Variants in ZBTB7C observed in about 807,000 individuals in gnomAD.
The protein encoded by ZBTB7C is zinc finger and BTB domain-containing protein 7C.
ZBTB7C carries 8 observed loss-of-function variants against 25.7 expected under a neutral mutation model. That is an observed-to-expected ratio of 0.31 (90% CI 0.18 to 0.56). The LOEUF is 0.56. Ranked by LOEUF, ZBTB7C falls within the 20% of genes least tolerant of loss-of-function variation. The pLI is 0.91. For synonymous variants in ZBTB7C, 394 were observed against 369.0 expected, an observed-to-expected ratio of 1.07 and a Z score of -0.78; for missense variants, 824 against 855.2, an observed-to-expected ratio of 0.96 and a Z score of 0.46.
rs375142874 is a variant in ZBTB7C, at chr18:48,243,033, G to T, written c.-78-57038C>A. On this transcript the variant is annotated intron_variant, in intron 2 of 4. Coordinates refer to ENST00000590800, the MANE Select transcript of ZBTB7C (RefSeq NM_001318841.2). ...AATCCTAACAATTTGGGAGGCCGAG[G>T]CAGGTGGATCGCTTGAGGACAGAGT... 5.3e-5 allele frequency among the ~76,000 whole-genome samples: 8 copies of T among 152,002 alleles called. No homozygotes were observed. The East Asian group carries it at 1.5e-3, about 29-fold the overall frequency.
chr18:48,275,059 G>T (rs1289558150), intron 2 of ZBTB7C, among the ~76,000 whole-genome samples: 1 of 152,164 alleles, frequency 6.6e-6, no homozygotes, highest in Non-Finnish European at 1.5e-5. Flanking sequence ...ATTATACGAA[G>T]TACTTATTAC....
At chr18:48,113,384 G>A (rs73956499) in intron 3 of ZBTB7C, among the ~76,000 whole-genome samples, 11,970 of 152,290 alleles carry the variant, frequency 0.079, 1,380 homozygotes, top group African/African-American at 0.26. Context: ...AAGACAAAAA[G>A]AGAGAAAAGG....
At chr18:48,195,635 A>G (rs917894826) in intron 2 of ZBTB7C, among the ~76,000 whole-genome samples, 1 of 152,182 alleles carries the variant, frequency 6.6e-6, no homozygotes, top group African/African-American at 2.4e-5. Context: ...CACTGCCTAC[A>G]ATTTCCAGTT....
At chr18:48,114,339 C>T (rs1007961218) in intron 3 of ZBTB7C, among the ~76,000 whole-genome samples, 6 of 152,156 alleles carry the variant, frequency 3.9e-5, no homozygotes, top group East Asian at 1.9e-4. Context: ...CAGTGGCTCA[C>T]GCCTGTAATC....
chr18:48,264,307 A>G (rs546839216), intron 2 of ZBTB7C, among the ~76,000 whole-genome samples: 2 of 152,366 alleles, frequency 1.3e-5, no homozygotes, highest in South Asian at 4.1e-4. Context: ...CCACAGAATG[A>G]AATCACCTTT....
At chr18:48,219,333 G>A (rs1481683551) in intron 2 of ZBTB7C, among the ~76,000 whole-genome samples, 2 of 152,152 alleles carry the variant, frequency 1.3e-5, no homozygotes, top group Non-Finnish European at 2.9e-5. Context: ...AGCTAGTTGG[G>A]TAAAATAACA....
chr18:48,363,021 A>G (rs1446746226), intron 1 of ZBTB7C, among the ~76,000 whole-genome samples: 1 of 152,340 alleles, frequency 6.6e-6, no homozygotes, highest in East Asian at 1.9e-4. Context: ...TGGGGAAGTT[A>G]TTTAGTCTCT....
At chr18:48,159,680 C>A (rs2040941987) in intron 3 of ZBTB7C, among the ~76,000 whole-genome samples, 1 of 152,236 alleles carries the variant, frequency 6.6e-6, no homozygotes, top group Non-Finnish European at 1.5e-5. Flanking sequence ...ATTTTACCCT[C>A]TTTCTTCTCC....
chr18:48,181,024 T>C (rs1430873253), intron 3 of ZBTB7C, among the ~76,000 whole-genome samples: 2 of 152,190 alleles, frequency 1.3e-5, no homozygotes, highest in African/African-American at 2.4e-5. Flanking sequence ...AAAAAGCAGA[T>C]AGTATAAGTT....
rs926250526 is a variant in ZBTB7C, at chr18:48,118,636, A to G, written c.-17+67298T>C. On this transcript the variant is annotated intron_variant, in intron 3 of 4. Coordinates refer to ENST00000590800, the MANE Select transcript of ZBTB7C (RefSeq NM_001318841.2). ...TCTAGTGCCATTTATATTAGGGGAA[A>G]TAGAAAATTACCCAATATATAGCTA... 5.9e-5 allele frequency among the ~76,000 whole-genome samples: 9 copies of G among 152,330 alleles called. No individual in the cohort carries two copies. The South Asian group carries it at 1.9e-3, about 32-fold the overall frequency.
At chr18:48,395,106 C>T (rs1344888836) in intron 1 of ZBTB7C, among the ~76,000 whole-genome samples, 1 of 151,942 alleles carries the variant, frequency 6.6e-6, no homozygotes, top group Non-Finnish European at 1.5e-5. Flanking sequence ...GATTCTCCAG[C>T]ATGACAACAA....
intron 3 of ZBTB7C, among the ~76,000 whole-genome samples, chr18:48,059,963 G>T (rs1644950355): frequency 6.6e-6 from 1 of 152,076 alleles, no homozygotes; most frequent in Admixed American, 6.5e-5. Context: ...TCTTTTCCAG[G>T]CAGGCAGGCT....
intron 2 of ZBTB7C, among the ~76,000 whole-genome samples, chr18:48,202,096 T>C (rs1260426614): frequency 1.3e-5 from 2 of 152,188 alleles, no homozygotes; most frequent in Non-Finnish European, 2.9e-5. Context: ...GGACTTTGCC[T>C]GGGTGATGCT....
At chr18:48,132,514 C>T (rs1352515567) in intron 3 of ZBTB7C, among the ~76,000 whole-genome samples, 1 of 152,100 alleles carries the variant, frequency 6.6e-6, no homozygotes, top group East Asian at 1.9e-4. Flanking sequence ...CACAGCCCTG[C>T]AAATATGCTA....
At chr18:48,061,819 G>A (rs369610064) in intron 3 of ZBTB7C, among the ~76,000 whole-genome samples, 1 of 152,154 alleles carries the variant, frequency 6.6e-6, no homozygotes, top group South Asian at 2.1e-4. Flanking sequence ...CACATCACTA[G>A]GCATTTGGTA....
intron 3 of ZBTB7C, among the ~76,000 whole-genome samples, chr18:48,154,264 C>T (rs115013224): frequency 0.02 from 3,117 of 152,268 alleles, 113 homozygotes; most frequent in African/African-American, 0.071. Context: ...TCAATCAAGG[C>T]AGGAGGAAGC....
chr18:48,388,769 A>G (rs951397556), intron 1 of ZBTB7C, among the ~76,000 whole-genome samples: 8 of 152,226 alleles, frequency 5.3e-5, no homozygotes, highest in African/African-American at 1.9e-4. Context: ...AAAAATAAAA[A>G]TAAACTGGCA....
At chr18:48,354,835 G>A (rs150029617) in intron 1 of ZBTB7C, among the ~76,000 whole-genome samples, 6 of 152,234 alleles carry the variant, frequency 3.9e-5, no homozygotes, top group Non-Finnish European at 7.4e-5. Flanking sequence ...CTGAATAAAC[G>A]GAGCTGTGCC....
chr18:48,145,619 G>A (rs1381005628), intron 3 of ZBTB7C, among the ~76,000 whole-genome samples: 1 of 152,198 alleles, frequency 6.6e-6, no homozygotes, highest in Non-Finnish European at 1.5e-5. Context: ...AAGAGGAAGT[G>A]GGGCAATGAC....
Sources: gnomAD v4.1 joint callset for allele counts (sites outside exome capture counted in the v4.1 genomes callset) on GRCh38, gnomAD v4.1.1 for gene constraint, MANE v1.5 for transcripts, NCBI Gene and HGNC (gene_info 2026-07-23, HGNC 2026-07-21) for gene names.